Variants in VPS13D observed in about 807,000 individuals in gnomAD.
VPS13D encodes the protein vacuolar protein sorting 13 homolog D, also known as intermembrane lipid transfer protein VPS13D.
A neutral mutation model predicts 461.9 loss-of-function variants in VPS13D; 187 were observed. The ratio of observed to expected loss-of-function variants is 0.40; its 90% CI spans 0.36 to 0.46. VPS13D has a LOEUF of 0.46. Ranked by LOEUF, VPS13D falls within the 20% of genes least tolerant of loss-of-function variation. The pLI is 0.60. For synonymous variants in VPS13D, 1,951 were observed against 1,986.3 expected (o/e 0.98, Z 0.47); for missense variants, 4,711 against 5,364.9 (o/e 0.88, Z 3.81).
At chr1:12,459,205 T>G (rs2100410516) in intron 66 of VPS13D, among the ~76,000 whole-genome samples, 1 of 152,312 alleles carries the variant, frequency 6.6e-6, no homozygotes, top group African/African-American at 2.4e-5. Flanking sequence ...AAGCAAAATT[T>G]GAATTTGCCA....
At chr1:12,363,444 G>GTGTAAT (rs1369927970) in intron 52 of VPS13D, among the ~76,000 whole-genome samples, 197 bp downstream of exon 52, 2 of 152,136 alleles carry the variant, frequency 1.3e-5, no homozygotes, top group African/African-American at 4.8e-5. Context: ...TTTGACCATG[G>GTGTAAT]TGTAATTGCT....
chr1:12,504,773 A>C (rs1344214432), intron 68 of VPS13D, among the ~76,000 whole-genome samples: 1 of 152,182 alleles, frequency 6.6e-6, no homozygotes, highest in African/African-American at 2.4e-5. Context: ...CATCTGGGGC[A>C]TCTTGGAAAA....
chr1:12,346,489 T>G, intron 43 of VPS13D, 116 bp from the exon 44 acceptor site: 1 of 970,962 alleles, frequency 1.0e-6, no homozygotes, highest in Non-Finnish European at 1.6e-6. Context: ...TAGACTATAC[T>G]TTACTTGAAA....
chr1:12,316,400 A>G (rs998201419), intron 30 of VPS13D, among the ~76,000 whole-genome samples: 9 of 152,360 alleles, frequency 5.9e-5, no homozygotes, highest in African/African-American at 1.7e-4. Flanking sequence ...TGTGTCAAAT[A>G]TAAATCACTT....
At chr1:12,500,932 T>A (rs545555991) in intron 68 of VPS13D, among the ~76,000 whole-genome samples, 5 of 151,742 alleles carry the variant, frequency 3.3e-5, no homozygotes, top group Non-Finnish European at 7.4e-5. Flanking sequence ...CACACACCTC[T>A]ATCCCCAGCT....
chr1:12,360,601 C>T (rs1477558117), intron 50 of VPS13D, among the ~76,000 whole-genome samples: 4 of 152,086 alleles, frequency 2.6e-5, no homozygotes, highest in East Asian at 3.9e-4. Context: ...TATTAGATAT[C>T]ACCTAACTAT....
chr1:12,391,760 G>A (rs906929966), intron 60 of VPS13D, among the ~76,000 whole-genome samples: 1 of 152,118 alleles, frequency 6.6e-6, no homozygotes, highest in African/African-American at 2.4e-5. Flanking sequence ...AAATCTATGT[G>A]ATCAAACAAA....
intron 25 of VPS13D, among the ~76,000 whole-genome samples, chr1:12,302,271 A>G (rs1050799385): frequency 6.6e-6 from 1 of 152,174 alleles, no homozygotes; most frequent in Non-Finnish European, 1.5e-5. Context: ...GTAAATCTTT[A>G]CTTTGAGGCC....
chr1:12,332,426 G>T (rs1451216101), intron 37 of VPS13D, among the ~76,000 whole-genome samples: 1 of 152,220 alleles, frequency 6.6e-6, no homozygotes, highest in Admixed American at 6.5e-5. Flanking sequence ...ATGCTCAACA[G>T]TATGCTCAAA....
At chr1:12,396,351 G>C (rs1644498824) in intron 60 of VPS13D, among the ~76,000 whole-genome samples, 1 of 152,082 alleles carries the variant, frequency 6.6e-6, no homozygotes, top group Non-Finnish European at 1.5e-5. Flanking sequence ...GTTTTCTTGA[G>C]TAAATGCTCC....
rs370273132 is a variant in VPS13D, at chr1:12,359,235, T to C, written c.10141+634T>C. Among the ~76,000 whole-genome samples the C allele has an allele frequency of 2.6e-4, 40 of 152,358 alleles. 3 individuals are homozygous for C. The highest frequency in any genetic ancestry group is 2.1e-3 in the Admixed American group (32 of 15,302). On this transcript the variant is annotated intron_variant, in intron 50 of 69. Coordinates refer to ENST00000620676, the MANE Select transcript of VPS13D (RefSeq NM_015378.4). ...CAAAAGATTCTCTAAAGGGTTAAGA[T>C]AATTTGATTGAAATATGAATCAGGG...
intron 46 of VPS13D, among the ~76,000 whole-genome samples, chr1:12,350,178 T>C (rs1268525030): frequency 6.6e-6 from 1 of 152,166 alleles, no homozygotes; most frequent in Non-Finnish European, 1.5e-5. Flanking sequence ...ATTTGAACAA[T>C]GTTATCAATG....
rs992526923 is a variant in VPS13D at position 12,299,489 on chromosome 1, G to T, written c.6216+105G>T. ...ATGATCCATAATTGCTATTACTTTT[G>T]TAGGGTATGTGGCTTGAAGAATTTT... is the stretch of plus-strand genomic sequence containing the variant. On this transcript the variant is annotated intron_variant, in intron 25 of 69. Coordinates refer to ENST00000620676, the MANE Select transcript of VPS13D (RefSeq NM_015378.4). The surrounding 1 kb of genome is among the most constrained non-coding windows in gnomAD (Gnocchi z 4.2). The T allele has an allele frequency of 1.4e-5, 19 of 1,335,864 alleles. No individual in the cohort carries two copies. Among genetic ancestry groups the T allele is most frequent in the African/African-American group, 1.0e-4 (7 of 67,496 alleles). The allele number at this position is 1,335,864 out of a possible 1,614,324, so 82.8% of individuals were successfully genotyped here.
intron 16 of VPS13D, among the ~76,000 whole-genome samples, chr1:12,269,395 C>T (rs767396839): frequency 2.0e-5 from 3 of 152,124 alleles, no homozygotes; most frequent in South Asian, 2.1e-4. Flanking sequence ...TTGATTTAAC[C>T]ATGGCTGTAT....
chr1:12,290,347 TA>T (rs1258658555), intron 22 of VPS13D, among the ~76,000 whole-genome samples: 4 of 152,228 alleles, frequency 2.6e-5, no homozygotes, highest in Admixed American at 2.6e-4. Flanking sequence ...TTAATAGACC[TA>T]ATGATGTTTA....
chr1:12,376,051 G>C (rs1463299296), intron 55 of VPS13D, among the ~76,000 whole-genome samples: 3 of 152,212 alleles, frequency 2.0e-5, no homozygotes, highest in African/African-American at 7.2e-5. Context: ...AGGAATCCCA[G>C]TATGGAAACT....
At chr1:12,253,551 T>G (rs541974248) in intron 6 of VPS13D, among the ~76,000 whole-genome samples, 171 bp from the exon 7 acceptor site, 101 of 152,368 alleles carry the variant, frequency 6.6e-4, no homozygotes, top group African/African-American at 2.4e-3. Context: ...TATCGCCAGT[T>G]AGCTAGATTT....
intron 42 of VPS13D, among the ~76,000 whole-genome samples, chr1:12,343,852 G>A (rs1305915423): frequency 6.6e-6 from 1 of 152,210 alleles, no homozygotes; most frequent in East Asian, 1.9e-4. Context: ...TGATGGATTG[G>A]TGATATGGTA....
At chr1:12,296,552 A>G (rs1309064502) in intron 24 of VPS13D, among the ~76,000 whole-genome samples, 12 of 152,162 alleles carry the variant, frequency 7.9e-5, no homozygotes, top group Admixed American at 4.6e-4. Context: ...TGTAGCAACT[A>G]TATAATCTAT....
Sources: gnomAD v4.1 joint callset for allele counts (sites outside exome capture counted in the v4.1 genomes callset) on GRCh38, gnomAD v4.1.1 for gene constraint, Gnocchi (gnomAD v3.1) non-coding constraint, MANE v1.5 for transcripts, NCBI Gene and HGNC (gene_info 2026-07-23, HGNC 2026-07-21) for gene names.